Variants in ANXA4 observed in about 807,000 individuals in gnomAD.
ANXA4 encodes the protein 35-beta calcimedin.
ANXA4 carries 39 observed loss-of-function variants against 49.8 expected under a neutral mutation model. The ratio of observed to expected loss-of-function variants is 0.78; its 90% CI spans 0.61 to 1.02. The LOEUF (loss-of-function observed/expected upper bound fraction) is 1.02. Ranked by LOEUF, ANXA4 falls within the 50% of genes least tolerant of loss-of-function variation. The pLI is 0.00. For synonymous variants in ANXA4, 134 were observed against 152.5 expected (o/e 0.88, Z 0.89); for missense variants, 360 against 410.1 (o/e 0.88, Z 1.05).
intron 1 of ANXA4, among the ~76,000 whole-genome samples, chr2:69,743,224 AT>A (rs548003249): frequency 7.5e-5 from 11 of 146,180 alleles, no homozygotes; most frequent in South Asian, 4.3e-4. Context: ...CAAACCCTAG[AT>A]TTTTTTTTTT....
intron 2 of ANXA4, among the ~76,000 whole-genome samples, chr2:69,669,701 G>T (rs1409931904): frequency 6.6e-6 from 1 of 151,506 alleles, no homozygotes; most frequent in Non-Finnish European, 1.5e-5. Flanking sequence ...ATTCTTTATT[G>T]CAGGACTGTT....
intron 1 of ANXA4, among the ~76,000 whole-genome samples, chr2:69,645,647 A>G (rs1291929779): frequency 1.3e-5 from 2 of 152,032 alleles, no homozygotes; most frequent in Non-Finnish European, 2.9e-5. Context: ...TGATACAAAA[A>G]CTCCCAATAT....
rs754858216 is a variant in ANXA4, at chr2:69,812,716, A to C, written c.534+7A>C. 3 of 1,613,832 alleles carry C rather than the reference A, an allele frequency of 1.9e-6. No homozygotes were observed. The highest frequency in any genetic ancestry group is 2.7e-5 in the African/African-American group (2 of 74,906). ...CGTGAGACAGGATGCCCAGGTTGGT[A>C]GAACTGCAGCTTCTTTCTTCCAGCT... On this transcript the variant is annotated splice_region_variant and intron_variant, in intron 8 of 12. Transcript: ENST00000394295.
chr2:69,769,123 G>A (rs1671613959), intron 1 of ANXA4, among the ~76,000 whole-genome samples: 1 of 152,164 alleles, frequency 6.6e-6, no homozygotes, highest in Non-Finnish European at 1.5e-5. Flanking sequence ...GAAAAACAAG[G>A]TAGGGAAGCT....
chr2:69,691,887 G>C (rs564281522), intron 2 of ANXA4, among the ~76,000 whole-genome samples: 20 of 151,996 alleles, frequency 1.3e-4, no homozygotes, highest in Non-Finnish European at 2.8e-4. Flanking sequence ...TTTGTTTTTT[G>C]TGTGTTTGTT....
chr2:69,693,848 G>A (rs1245424985), intron 2 of ANXA4, among the ~76,000 whole-genome samples: 5 of 152,072 alleles, frequency 3.3e-5, no homozygotes, highest in Non-Finnish European at 7.4e-5. Context: ...TTTCATGATT[G>A]TGACAGCTGA....
chr2:69,824,176 C>T (rs1437104956), intron 12 of ANXA4, among the ~76,000 whole-genome samples: 1 of 151,944 alleles, frequency 6.6e-6, no homozygotes, highest in Non-Finnish European at 1.5e-5. Flanking sequence ...TAGAACCTTT[C>T]CGGAAGACTG....
intron 2 of ANXA4, among the ~76,000 whole-genome samples, chr2:69,716,924 C>T (rs568925147): frequency 6.6e-6 from 1 of 152,330 alleles, no homozygotes; most frequent in Admixed American, 6.5e-5. Context: ...TGCTGTCTGC[C>T]TACTACTGGC....
At chr2:69,643,848 G>C (rs554538805), upstream of ANXA4, 55 of 1,180,376 alleles carry the variant, frequency 4.7e-5, 2 homozygotes, top group South Asian at 2.3e-3. Flanking sequence ...AGGGACCGGG[G>C]CCTCTCCTGC....
At chr2:69,691,454 C>T (rs770478790) in intron 2 of ANXA4, among the ~76,000 whole-genome samples, 4 of 151,966 alleles carry the variant, frequency 2.6e-5, no homozygotes, top group Non-Finnish European at 4.4e-5. Context: ...ATGCACCTAC[C>T]ACAGTATAAA....
chr2:69,775,472 A>G (rs977387928), intron 1 of ANXA4, among the ~76,000 whole-genome samples: 3 of 152,186 alleles, frequency 2.0e-5, no homozygotes, highest in Non-Finnish European at 4.4e-5. Flanking sequence ...TACCAATGCC[A>G]TGGGTTCTTG....
intron 2 of ANXA4, among the ~76,000 whole-genome samples, chr2:69,719,428 A>G (rs1418254345): frequency 6.6e-6 from 1 of 151,384 alleles, no homozygotes; most frequent in Non-Finnish European, 1.5e-5. Context: ...ACATCCAAGT[A>G]ATTTTTAAAA....
chr2:69,738,124 A>C (rs1042935276), upstream of ANXA4, among the ~76,000 whole-genome samples: 2 of 152,158 alleles, frequency 1.3e-5, no homozygotes, highest in Non-Finnish European at 2.9e-5. Context: ...TTAACTGAAA[A>C]TCAAATCTAA....
intron 12 of ANXA4, among the ~76,000 whole-genome samples, chr2:69,822,630 T>C (rs953058062): frequency 2.0e-5 from 3 of 152,174 alleles, no homozygotes; most frequent in African/African-American, 4.8e-5. Flanking sequence ...TGAATGAACC[T>C]TGAAAATATA....
In ANXA4 at chr2:69,749,351, T is replaced by C. The variant is rs184309222; in HGVS notation, c.-47+7176T>C. 2.2e-4 allele frequency among the ~76,000 whole-genome samples: 34 copies of C among 151,684 alleles called. No individual in the cohort carries two copies. In the East Asian group the frequency reaches 6.0e-3, roughly 27 times the overall value. Reference sequence around the variant, plus strand: ...AGACAGAGGATTGAGAGACAGGAGGTAGGAGGGGGGATGTCTTTGGTTCAG... The same window carrying C: ...AGACAGAGGATTGAGAGACAGGAGGCAGGAGGGGGGATGTCTTTGGTTCAG... On this transcript the variant is annotated intron_variant, in intron 1 of 12. Transcript: ENST00000394295.
intron 3 of ANXA4, among the ~76,000 whole-genome samples, chr2:69,733,854 C>T (rs751070237): frequency 9.2e-5 from 14 of 151,912 alleles, no homozygotes; most frequent in Non-Finnish European, 1.9e-4. Flanking sequence ...TTTATGTTCC[C>T]GAATTTTTTT....
chr2:69,781,696 A>C, intron 2 of ANXA4, 122 bp downstream of exon 2: 1 of 1,155,612 alleles, frequency 8.7e-7, no homozygotes, highest in Non-Finnish European at 1.3e-6. Context: ...GGAGGAGGAC[A>C]TGAAAAGGCA....
At position 69,763,496 on chromosome 2, in the gene ANXA4, A is replaced by G. The variant is rs142423012; in HGVS notation, c.-46-18024A>G. 3.0e-3 allele frequency among the ~76,000 whole-genome samples: 454 copies of G among 152,234 alleles called. 4 individuals are homozygous for G. Among genetic ancestry groups the G allele is most frequent in the East Asian group, 7.2e-3 (37 of 5,174 alleles). On this transcript the variant is annotated intron_variant, in intron 1 of 12. Coordinates refer to ENST00000394295, the MANE Select transcript of ANXA4 (RefSeq NM_001153.5). The stretch of plus-strand genomic sequence containing the variant: ...GAAAGTTCTGGGCTGCATAATGCCT[A>G]TATTCCAGGCAAATAGAACCCAACA...
intron 9 of ANXA4, chr2:69,817,129 C>T (rs1674030103): frequency 6.6e-6 from 1 of 152,202 alleles, no homozygotes; most frequent in African/African-American, 2.4e-5. Context: ...CAGGAATCTC[C>T]CCCTGGTGGT....
Sources: gnomAD v4.1 joint callset for allele counts (sites outside exome capture counted in the v4.1 genomes callset) on GRCh38, gnomAD v4.1.1 for gene constraint, MANE v1.5 for transcripts, NCBI Gene and HGNC (gene_info 2026-07-23, HGNC 2026-07-21) for gene names.